HS6ST3: variants seen among roughly 807,000 people sequenced by gnomAD.
The protein encoded by HS6ST3 is heparan-sulfate 6-O-sulfotransferase 3.
Under a neutral mutation model 36.7 loss-of-function variants are expected in HS6ST3, and 12 were observed. The ratio of observed to expected loss-of-function variants is 0.33; its 90% confidence interval spans 0.21 to 0.53. HS6ST3 has a LOEUF of 0.53. HS6ST3 is among the 20% of genes least tolerant of loss of function. The pLI, the probability that HS6ST3 is intolerant of heterozygous loss-of-function variation, is 0.95. For synonymous variants in HS6ST3, 240 were observed against 257.5 expected, an observed-to-expected ratio of 0.93 and a Z score of 0.65; for missense variants, 584 against 640.9, an observed-to-expected ratio of 0.91 and a Z score of 0.96.
At chr13:96,470,740 A>C (rs1196822025) in intron 1 of HS6ST3, among the ~76,000 whole-genome samples, 1 of 151,902 alleles carries the variant, frequency 6.6e-6, no homozygotes, top group Non-Finnish European at 1.5e-5. Context: ...AATATTGGCC[A>C]TTGCCCTTTT....
chr13:96,495,079 T>C (rs1361848399), intron 1 of HS6ST3, among the ~76,000 whole-genome samples: 3 of 152,220 alleles, frequency 2.0e-5, no homozygotes, highest in Non-Finnish European at 4.4e-5. Flanking sequence ...ACATCTTTTT[T>C]ACTCCTCCTA....
At chr13:96,668,100 CT>C (rs1190866253) in intron 1 of HS6ST3, among the ~76,000 whole-genome samples, 1 of 152,040 alleles carries the variant, frequency 6.6e-6, no homozygotes. Context: ...GCAATAGATA[CT>C]GTTATAATGC....
At chr13:96,613,545 G>T (rs1594818561) in intron 1 of HS6ST3, among the ~76,000 whole-genome samples, 1 of 152,010 alleles carries the variant, frequency 6.6e-6, no homozygotes. Flanking sequence ...ATTAATTTGA[G>T]GTGTTGGTAC....
At chr13:96,799,813 G>A (rs917614436) in intron 1 of HS6ST3, among the ~76,000 whole-genome samples, 1 of 150,514 alleles carries the variant, frequency 6.6e-6, no homozygotes, top group African/African-American at 2.4e-5. Context: ...ACATATTTAT[G>A]GGCTGAATTG....
chr13:96,767,432 G>A (rs1877146179), intron 1 of HS6ST3, among the ~76,000 whole-genome samples: 1 of 152,196 alleles, frequency 6.6e-6, no homozygotes, highest in African/African-American at 2.4e-5. Context: ...TTGGAAAAGT[G>A]TGTGATATTG....
At chr13:96,427,528 T>A (rs992552049) in intron 1 of HS6ST3, among the ~76,000 whole-genome samples, 8 of 151,824 alleles carry the variant, frequency 5.3e-5, no homozygotes, top group Admixed American at 3.9e-4. Context: ...CATATTACTT[T>A]TATAATACAT....
At chr13:96,195,928 C>T (rs545902020) in intron 1 of HS6ST3, among the ~76,000 whole-genome samples, 16 of 152,012 alleles carry the variant, frequency 1.1e-4, no homozygotes, top group African/African-American at 1.9e-4. Context: ...AATATGCGCT[C>T]GATAAATGTT....
Position 96,835,019 on chromosome 13 carries a change from T to C in HS6ST3, c.*1821T>C, listed in dbSNP as rs1300271371. On this transcript the variant is annotated 3_prime_UTR_variant, in exon 2 of 2. Coordinates refer to ENST00000376705, the MANE Select transcript of HS6ST3 (RefSeq NM_153456.4). ...ATGGGTATTGTTAGTCTCCATTTCA[T>C]AGATGAAAATAGTGAAGCCCACAGA... 2.0e-5 allele frequency: 3 copies of C among 152,184 alleles called. No homozygotes were observed. Among genetic ancestry groups the C allele is most frequent in the East Asian group, 1.9e-4 (1 of 5,194 alleles). The allele number at this position is 152,184 out of a possible 1,614,324, so 9.4% of individuals were successfully genotyped here. A position where few individuals can be genotyped will look rare whatever the true frequency, so the allele number is the denominator to read the frequency against.
intron 1 of HS6ST3, among the ~76,000 whole-genome samples, chr13:96,277,462 T>G (rs2054754014): frequency 6.6e-6 from 1 of 152,218 alleles, no homozygotes; most frequent in Non-Finnish European, 1.5e-5. Context: ...GAGACAAAGA[T>G]TAGAGCTTCT....
chr13:96,516,195 G>C (rs2056072094), intron 1 of HS6ST3, among the ~76,000 whole-genome samples: 1 of 151,562 alleles, frequency 6.6e-6, no homozygotes, highest in South Asian at 2.1e-4. Context: ...CTGAGTACCT[G>C]GGACTAGAGG....
chr13:96,227,272 A>G (rs1356973510), intron 1 of HS6ST3, among the ~76,000 whole-genome samples: 8 of 152,212 alleles, frequency 5.3e-5, no homozygotes, highest in Non-Finnish European at 1.2e-4. Flanking sequence ...GTTGAGAGCC[A>G]TGCTAATCAA....
At chr13:96,829,750 T>A (rs1048259590) in intron 1 of HS6ST3, among the ~76,000 whole-genome samples, 4 of 152,238 alleles carry the variant, frequency 2.6e-5, no homozygotes, top group African/African-American at 4.8e-5. Flanking sequence ...TCATCATTGA[T>A]GAGCATTTAG....
chr13:96,428,909 A>G (rs2055600627), intron 1 of HS6ST3, among the ~76,000 whole-genome samples: 1 of 152,250 alleles, frequency 6.6e-6, no homozygotes. Context: ...AGCAGTAAAT[A>G]GAATATGGTG....
intron 1 of HS6ST3, among the ~76,000 whole-genome samples, chr13:96,145,678 T>C (rs1167639836): frequency 6.6e-6 from 1 of 152,196 alleles, no homozygotes; most frequent in Non-Finnish European, 1.5e-5. Context: ...TTTGTCAATT[T>C]TGTCTTTTGT....
intron 1 of HS6ST3, among the ~76,000 whole-genome samples, chr13:96,680,477 C>G (rs760478335): frequency 1.3e-5 from 2 of 151,998 alleles, no homozygotes; most frequent in Non-Finnish European, 2.9e-5. Context: ...GTACCTGTAC[C>G]CTGGAGGACC....
chr13:96,523,072 CTT>C (rs1210601103), intron 1 of HS6ST3, among the ~76,000 whole-genome samples: 1 of 152,098 alleles, frequency 6.6e-6, no homozygotes, highest in Non-Finnish European at 1.5e-5. Context: ...GACAAAATCT[CTT>C]ATCATTTGCT....
At chr13:96,680,707 C>T (rs1025201122) in intron 1 of HS6ST3, among the ~76,000 whole-genome samples, 7 of 152,178 alleles carry the variant, frequency 4.6e-5, no homozygotes, top group Non-Finnish European at 8.8e-5. Context: ...GGGGCTGACC[C>T]GCCATCTTGA....
intron 1 of HS6ST3, among the ~76,000 whole-genome samples, chr13:96,332,272 A>C (rs1413144626): frequency 6.6e-6 from 1 of 152,108 alleles, no homozygotes; most frequent in African/African-American, 2.4e-5. Context: ...ATTTTGTTAC[A>C]CAACAGTTTT....
intron 1 of HS6ST3, among the ~76,000 whole-genome samples, chr13:96,187,401 G>A (rs1015447958): frequency 6.6e-6 from 1 of 152,160 alleles, no homozygotes; most frequent in Non-Finnish European, 1.5e-5. Flanking sequence ...TTGCCAGGAA[G>A]GTAAGGCATT....
Sources: allele counts gnomAD v4.1 joint callset (sites outside exome capture counted in the v4.1 genomes callset), GRCh38; gene constraint gnomAD v4.1.1; transcripts MANE v1.5; gene names NCBI Gene and HGNC (gene_info 2026-07-23, HGNC 2026-07-21).